PHF2: variants seen among roughly 807,000 people sequenced by gnomAD.
PHF2 encodes PHD finger protein 2.
A neutral mutation model predicts 120.5 loss-of-function variants in PHF2; 27 were observed. The ratio of observed to expected loss-of-function variants is 0.22; its 90% CI spans 0.17 to 0.31. PHF2 has a LOEUF of 0.31. PHF2 is among the 10% of genes least tolerant of loss of function. PHF2 has a pLI of 1.00. For synonymous variants in PHF2, 568 were observed against 592.5 expected, an observed-to-expected ratio of 0.96 and a Z score of 0.60; for missense variants, 1,024 against 1,434.8, an observed-to-expected ratio of 0.71 and a Z score of 4.63.
At chr9:93,647,128 A>G (rs1406549870) in intron 4 of PHF2, among the ~76,000 whole-genome samples, 1 of 152,146 alleles carries the variant, frequency 6.6e-6, no homozygotes, top group East Asian at 1.9e-4. Flanking sequence ...CCCCAGCTGT[A>G]ATGTTCATGC....
intron 1 of PHF2, among the ~76,000 whole-genome samples, chr9:93,616,562 G>A (rs1825732476): frequency 6.6e-6 from 1 of 152,182 alleles, no homozygotes; most frequent in Non-Finnish European, 1.5e-5. Flanking sequence ...TGCAGAGGGC[G>A]GCAAAGTAAG....
In PHF2 at chr9:93,645,851, A is replaced by C. The variant is rs1587703265; in HGVS notation, c.460+62A>C. ...AGCTGGGAGTGCTGGGACACCCACC[A>C]CTGTGCATGCTGTTTCCCCACGCCC... On this transcript the variant is annotated intron_variant, in intron 4 of 21. Transcript: ENST00000359246. The C allele has an allele frequency of 1.1e-5, 16 of 1,498,358 alleles. No individual in the cohort carries two copies. The South Asian group carries it at 1.2e-4, about 11-fold the overall frequency. The allele number at this position is 1,498,358 out of a possible 1,614,324, so 92.8% of individuals were successfully genotyped here.
At position 93,661,744 on chromosome 9, in the gene PHF2, T is replaced by A. The variant is rs189176595; in HGVS notation, c.1699-1163T>A. Among the ~76,000 whole-genome samples the A allele has an allele frequency of 2.0e-5, 3 of 150,416 alleles. No individual in the cohort carries two copies. The East Asian group carries it at 6.0e-4, about 30-fold the overall frequency. On this transcript the variant is annotated intron_variant, in intron 12 of 21. Coordinates refer to ENST00000359246, the MANE Select transcript of PHF2 (RefSeq NM_005392.4). ...AGGGATGGATGGATGAGTGGGTAGA[T>A]GGATGGATGAGTGCATAAGATGGAT...
intron 11 of PHF2, among the ~76,000 whole-genome samples, chr9:93,659,975 C>G (rs1249294755): frequency 6.6e-6 from 1 of 152,136 alleles, no homozygotes; most frequent in East Asian, 1.9e-4. Context: ...TTGGGGAGAG[C>G]AAGTGACTCA....
rs940337370 is a variant in PHF2, at chr9:93,677,413, C to T, written c.3203-175C>T. On this transcript the variant is annotated intron_variant, in intron 21 of 21. Coordinates refer to ENST00000359246, the MANE Select transcript of PHF2 (RefSeq NM_005392.4). This position sits in a 1 kb window ranked among gnomAD's most constrained non-coding sequence, Gnocchi z 4.4. ...CTGAGGCGGAGGCTTTGCCAGTGAT[C>T]CCAGACTCCTGAAGGGTGCTGAGCT... is the stretch of plus-strand genomic sequence containing the variant. Among the ~76,000 whole-genome samples the T allele has an allele frequency of 1.3e-5, 2 of 151,858 alleles. No homozygotes were observed. Among genetic ancestry groups the T allele is most frequent in the South Asian group, 2.1e-4 (1 of 4,786 alleles).
chr9:93,613,480 C>T (rs1410216190), intron 1 of PHF2, among the ~76,000 whole-genome samples: 2 of 151,744 alleles, frequency 1.3e-5, no homozygotes, highest in African/African-American at 2.4e-5. Flanking sequence ...GCAGTGGTGC[C>T]CAGGCCTGGC....
intron 1 of PHF2, among the ~76,000 whole-genome samples, chr9:93,583,826 C>CTT (rs113746371): frequency 1.7e-4 from 21 of 124,624 alleles, no homozygotes; most frequent in South Asian, 5.0e-4. Flanking sequence ...TTTTTCTTTT[C>CTT]TTTTTTTTTT....
In PHF2 at chr9:93,645,776, C is replaced by T. The variant is rs149618834; in HGVS notation, c.447C>T (p.Val149=). The change falls in exon 4 of 22, where the codon GTC becomes GTT. Residue 149 remains valine, a synonymous_variant. Transcript: ENST00000359246. ...VPAPTFYVSD[V]ENYVGPERSV... The stretch of plus-strand genomic sequence containing the variant: ...CCCCCACGTTCTATGTCAGTGACGT[C>T]GAGAACTACGTGGGTAAGCGCCATC... 21 of 1,596,934 alleles carry T rather than the reference C, an allele frequency of 1.3e-5. No homozygotes were observed. The highest frequency in any genetic ancestry group is 3.4e-5 in the South Asian group (3 of 88,762).
chr9:93,590,146 C>T (rs749050371), intron 1 of PHF2, among the ~76,000 whole-genome samples: 184 of 152,344 alleles, frequency 1.2e-3, no homozygotes, highest in Non-Finnish European at 2.4e-3. Flanking sequence ...GTACTGATTT[C>T]TCTACACACT....
intron 4 of PHF2, among the ~76,000 whole-genome samples, chr9:93,646,509 A>C (rs992584585): frequency 2.6e-5 from 4 of 152,088 alleles, no homozygotes; most frequent in Admixed American, 2.6e-4. Flanking sequence ...GAACGGGCAA[A>C]CCCCCAGGAC....
At chr9:93,676,507 C>T (rs1587725492) in intron 20 of PHF2, 87 bp from the exon 21 acceptor site, 1 of 1,486,180 alleles carries the variant, frequency 6.7e-7, no homozygotes, top group Non-Finnish European at 9.1e-7. Context: ...GCTCAAGGGC[C>T]CCTGGCAAGG....
At chr9:93,660,054 G>A (rs1826531912) in intron 11 of PHF2, 138 bp from the exon 12 acceptor site, 2 of 1,027,748 alleles carry the variant, frequency 1.9e-6, no homozygotes, top group Non-Finnish European at 2.8e-6. Flanking sequence ...ACATGATGGT[G>A]TGGGGTAGCT....
intron 1 of PHF2, among the ~76,000 whole-genome samples, chr9:93,582,545 CTG>C (rs1181824407): frequency 6.6e-6 from 1 of 152,164 alleles, no homozygotes; most frequent in East Asian, 1.9e-4. Context: ...CTTTTTGGCT[CTG>C]TGGCAGGTAG....
At position 93,653,262 on chromosome 9, in the gene PHF2, C is replaced by G; in HGVS notation, c.686C>G (p.Ala229Gly). The G allele has an allele frequency of 6.2e-7, 1 of 1,614,170 alleles. No individual in the cohort carries two copies. ...TACTGGCCAGATGATGCATTGCTGG[C>G]CAAGCCCAAAGTGACCAAGTACTGC... ...ENYWPDDALL[A>G]KPKVTKYCLI... Residue 229 changes from alanine to glycine, a missense_variant, in exon 6 of 22, where the codon GCC becomes GGC. By Grantham distance (60) the Ala-to-Gly change is moderately conservative. Around this residue, in one of 2 missense-constraint regions of PHF2, gnomAD observed 347 missense variants for 577.4 expected, o/e 0.60. Transcript: ENST00000359246.
intron 17 of PHF2, 94 bp downstream of exon 17, chr9:93,667,334 G>C (rs542128764): frequency 4.8e-6 from 7 of 1,454,448 alleles, no homozygotes; most frequent in Non-Finnish European, 5.6e-6. Context: ...CGAGGCAGAC[G>C]CACAGCTGGA....
At chr9:93,600,636 G>A (rs4744259) in intron 1 of PHF2, among the ~76,000 whole-genome samples, 47,364 of 152,174 alleles carry the variant, frequency 0.31, 8,156 homozygotes, top group South Asian at 0.6. Flanking sequence ...CTCGCAGGTT[G>A]TGGGATGGTG....
intron 1 of PHF2, among the ~76,000 whole-genome samples, chr9:93,622,329 C>T (rs1825839143): frequency 6.6e-6 from 1 of 152,228 alleles, no homozygotes; most frequent in Non-Finnish European, 1.5e-5. Context: ...GGCAGAATAA[C>T]AGCCCCCGCT....
intron 15 of PHF2, 59 bp from the exon 16 acceptor site, chr9:93,665,931 C>T (rs1826670257): frequency 3.7e-6 from 6 of 1,612,008 alleles, no homozygotes; most frequent in Non-Finnish European, 5.1e-6. Context: ...AGAGGTCTTC[C>T]CAGGGTGGCT....
rs1167747845 is a variant in PHF2, at chr9:93,577,060, G to T, written c.98+189G>T. ...CCGCGCGCCCTTTTGTGCCCAGGGC[G>T]GGGGCGCCAAGCACGGGGCCCGCGC... is the stretch of plus-strand genomic sequence containing the variant. On this transcript the variant is annotated intron_variant, in intron 1 of 21. Transcript: ENST00000359246. 1.0e-4 allele frequency among the ~76,000 whole-genome samples: 15 copies of T among 146,548 alleles called. No homozygotes were observed. The East Asian group carries it at 3.0e-3, about 30-fold the overall frequency.
Sources: allele counts gnomAD v4.1 joint callset (sites outside exome capture counted in the v4.1 genomes callset), GRCh38; gene constraint gnomAD v4.1.1; regional missense constraint gnomAD v4.1.1; non-coding constraint Gnocchi (gnomAD v3.1); transcripts MANE v1.5; gene names NCBI Gene and HGNC (gene_info 2026-07-23, HGNC 2026-07-21).